The following VPS72 variants were observed in gnomAD, a reference collection of about 807,000 sequenced individuals.
VPS72 encodes vacuolar protein sorting-associated protein 72 homolog.
A neutral mutation model predicts 38.9 loss-of-function variants in VPS72; 27 were observed. That is an observed-to-expected ratio of 0.69 (90% CI 0.51 to 0.96). The LOEUF is 0.96. Among genes scored for constraint, VPS72 ranks in the 40% least tolerant of loss-of-function variants. VPS72 has a pLI of 0.00. For synonymous variants in VPS72, 173 were observed against 186.3 expected, an observed-to-expected ratio of 0.93 and a Z score of 0.58; for missense variants, 360 against 479.5, an observed-to-expected ratio of 0.75 and a Z score of 2.33.
rs1055353882 is a variant in VPS72, at chr1:151,186,042, C to G, written c.118-92G>C. The G allele has an allele frequency of 3.4e-6, 5 of 1,465,096 alleles. No homozygotes were observed. The Admixed American group carries it at 1.0e-4, about 30-fold the overall frequency. The allele number at this position is 1,465,096 out of a possible 1,614,324, so 90.8% of individuals were successfully genotyped here. ...AATCTCTCGACTTTCTTGATAAGGG[C>G]TGCCCTACTCTCCTTCCTAATCCAG... On this transcript the variant is annotated intron_variant, in intron 1 of 5. Transcript: ENST00000368892.
intron 4 of VPS72, among the ~76,000 whole-genome samples, chr1:151,182,595 C>A (rs1343360979): frequency 6.6e-6 from 1 of 152,182 alleles, no homozygotes. Flanking sequence ...AAGTTTTGCT[C>A]CCCAATATAC....
intron 4 of VPS72, among the ~76,000 whole-genome samples, chr1:151,182,354 C>A (rs888736570): frequency 2.4e-4 from 36 of 152,088 alleles, no homozygotes; most frequent in Admixed American, 2.0e-3. Flanking sequence ...TCCCTTCCCC[C>A]ATCTGAAGCC....
chr1:151,181,560 T>G (rs1021304089), intron 4 of VPS72, among the ~76,000 whole-genome samples: 9 of 152,038 alleles, frequency 5.9e-5, no homozygotes, highest in African/African-American at 9.6e-5. Context: ...CCTTTTTAAA[T>G]CATGCTTAGG....
rs1410874299 is a variant in VPS72 at position 151,176,475 on chromosome 1, T to A, written c.*169A>T. 8.5e-7 allele frequency: 1 copy of A among 1,169,770 alleles called. No homozygotes were observed. The highest frequency in any genetic ancestry group is 1.2e-6 in the Non-Finnish European group (1 of 841,696). 72.5% of individuals were successfully genotyped at this position (1,169,770 alleles called of 1,614,324 possible). A position where few individuals can be genotyped will look rare whatever the true frequency, so the allele number is the denominator to read the frequency against. ...CACCAGACAAAAGGGATCTTTCTATTTTATTAGATTAAAAAACACAACGAA... is the reference window on the plus strand; with the variant it reads ...CACCAGACAAAAGGGATCTTTCTATATTATTAGATTAAAAAACACAACGAA... On this transcript the variant is annotated 3_prime_UTR_variant, in exon 6 of 6. Transcript: ENST00000368892.
chr1:151,186,122 T>A (rs1684343464), intron 1 of VPS72, among the ~76,000 whole-genome samples, 172 bp from the exon 2 acceptor site: 1 of 152,186 alleles, frequency 6.6e-6, no homozygotes, highest in Non-Finnish European at 1.5e-5. Context: ...TTGGCTCCAG[T>A]ACCACCTCCT....
At chr1:151,185,704 G>A (rs1246893171) in intron 2 of VPS72, 84 bp from the exon 3 acceptor site, 22 of 1,607,772 alleles carry the variant, frequency 1.4e-5, no homozygotes, top group Non-Finnish European at 1.8e-5. Context: ...AACTAGCATT[G>A]CCAGAAATGG....
intron 4 of VPS72, 100 bp from the exon 5 acceptor site, chr1:151,178,245 T>C (rs1221464860): frequency 7.0e-7 from 1 of 1,421,422 alleles, no homozygotes; most frequent in Non-Finnish European, 9.3e-7. Flanking sequence ...CCTGGCTATC[T>C]AGTCACTGCC....
intron 1 of VPS72, among the ~76,000 whole-genome samples, chr1:151,186,929 CCTT>C (rs1483159548): frequency 6.6e-6 from 1 of 152,206 alleles, no homozygotes; most frequent in African/African-American, 2.4e-5. Context: ...CCCTCCATCT[CCTT>C]ATTTTCCCTA....
intron 5 of VPS72, 131 bp downstream of exon 5, chr1:151,177,870 G>A: frequency 1.9e-6 from 2 of 1,068,024 alleles, no homozygotes; most frequent in Non-Finnish European, 2.7e-6. Context: ...AAGAAATTGA[G>A]CTGAAGGGAG....
chr1:151,188,819 G>A (rs932952629), intron 1 of VPS72, among the ~76,000 whole-genome samples: 1 of 152,062 alleles, frequency 6.6e-6, no homozygotes, highest in Non-Finnish European at 1.5e-5. Context: ...CCTTGTTTTA[G>A]TCCTTATCAC....
rs777308768 is a variant in VPS72 at position 151,185,781 on chromosome 1, T to C, written c.270+17A>G. On this transcript the variant is annotated intron_variant, in intron 2 of 5. Coordinates refer to ENST00000368892, the MANE Select transcript of VPS72 (RefSeq NM_005997.3). ...AGGAATTGAGGAAATCCAAGACAAC[T>C]AGGACTCCCCCTGTACCTTATAGGC... 2 of 1,613,568 alleles carry C rather than the reference T, an allele frequency of 1.2e-6. No homozygotes were observed. The highest frequency in any genetic ancestry group is 2.2e-5 in the East Asian group (1 of 44,864).
intron 5 of VPS72, among the ~76,000 whole-genome samples, chr1:151,177,608 T>C (rs1196433389): frequency 1.3e-5 from 2 of 152,112 alleles, no homozygotes; most frequent in Non-Finnish European, 2.9e-5. Context: ...GGCTCACACC[T>C]GTAATCCCAG....
chr1:151,180,954 T>C (rs1344315934), intron 4 of VPS72, among the ~76,000 whole-genome samples: 2 of 152,218 alleles, frequency 1.3e-5, no homozygotes, highest in Non-Finnish European at 2.9e-5. Context: ...TATGTCCTAC[T>C]GGGCCCCACC....
rs201468317 is a variant in VPS72, at chr1:151,176,823, T to C, written c.916A>G (p.Thr306Ala). 6 of 1,614,112 alleles carry C rather than the reference T, an allele frequency of 3.7e-6. No homozygotes were observed. The highest frequency in any genetic ancestry group is 2.2e-5 in the East Asian group (1 of 44,880). ...CGAGCAGTGGCATAGGGTATGTCTG[T>C]AACAGGGTCCCGGTATAGGGCTGGA... The part of the protein sequence containing the change: ...HRPALYRDPV[T>A]DIPYATARAF... Residue 306 changes from threonine (T) to alanine (A), a missense_variant, in exon 6 of 6, where the codon ACA (threonine) becomes GCA (alanine). Thr to Ala is a moderately conservative substitution (Grantham distance 58). This residue lies in a region of VPS72 where 294 missense variants were observed against 356.3 expected (regional missense o/e 0.83). Transcript: ENST00000368892.
At chr1:151,185,689 G>A (rs587668161) in intron 2 of VPS72, 69 bp from the exon 3 acceptor site, 1 of 1,607,592 alleles carries the variant, frequency 6.2e-7, no homozygotes, top group African/African-American at 1.3e-5. Flanking sequence ...ATCTCAATGA[G>A]AGAAAACTAG....
rs1162604539 is a variant in VPS72 at position 151,185,599 on chromosome 1, G to A, written c.292C>T (p.Pro98Ser). 6.2e-7 allele frequency: 1 copy of A among 1,614,000 alleles called. No individual in the cohort carries two copies. The highest frequency in any genetic ancestry group is 1.3e-5 in the African/African-American group (1 of 74,900). The change falls in exon 3 of 6, where the codon CCT becomes TCT. Residue 98 changes from proline (P) to serine (S), a missense_variant. Coordinates refer to ENST00000368892, the MANE Select transcript of VPS72 (RefSeq NM_005997.3). Reference sequence around the variant, plus strand: ...CCAGCCGGGGTGTTGACCTTTCGAGGCCTTAAGCTCTTGAGAGGTTCCTGA... The same window carrying A: ...CCAGCCGGGGTGTTGACCTTTCGAGACCTTAAGCTCTTGAGAGGTTCCTGA... ...AYKEPLKSLR[P>S]RKVNTPAGSS...
At chr1:151,184,775 TG>T (rs1360827501) in intron 3 of VPS72, among the ~76,000 whole-genome samples, 1 of 151,912 alleles carries the variant, frequency 6.6e-6, no homozygotes, top group African/African-American at 2.4e-5. Flanking sequence ...TTAGTAGAGA[TG>T]GGGTTTCATC....
At chr1:151,177,897 A>C (rs1684152857) in intron 5 of VPS72, 104 bp downstream of exon 5, 1 of 1,345,440 alleles carries the variant, frequency 7.4e-7, no homozygotes, top group Admixed American at 2.3e-5. Context: ...ATCTGAAAGA[A>C]ATCTCCAAGT....
intron 1 of VPS72, among the ~76,000 whole-genome samples, chr1:151,186,203 G>A (rs587645841): frequency 6.6e-6 from 1 of 151,956 alleles, no homozygotes; most frequent in Non-Finnish European, 1.5e-5. Flanking sequence ...GATATGGTTT[G>A]GTCTCTACCT....
Sources: allele counts gnomAD v4.1 joint callset (sites outside exome capture counted in the v4.1 genomes callset), GRCh38; gene constraint gnomAD v4.1.1; regional missense constraint gnomAD v4.1.1; transcripts MANE v1.5; gene names NCBI Gene and HGNC (gene_info 2026-07-23, HGNC 2026-07-21).